The following CCSER1 variants were observed in gnomAD, a reference collection of about 807,000 sequenced individuals.
The protein encoded by CCSER1 is serine-rich coiled-coil domain-containing protein 1.
In CCSER1, 41 loss-of-function variants were observed where a neutral mutation model predicts 82.0. The observed-to-expected ratio is 0.50, with a 90% confidence interval of 0.39 to 0.65. CCSER1 has a LOEUF of 0.65. Among genes scored for constraint, CCSER1 ranks in the 30% least tolerant of loss-of-function variants. The probability of loss-of-function intolerance (pLI) is 0.00; values close to 1 mark genes in which losing one functional copy is unlikely to be tolerated. For missense variants in CCSER1, 1,119 were observed against 1,064.2 expected (o/e 1.05, Z -0.72); for synonymous variants, 414 against 383.9 (o/e 1.08, Z -0.92).
chr4:91,370,747 T>C (rs1240281674), intron 10 of CCSER1, among the ~76,000 whole-genome samples: 2 of 152,118 alleles, frequency 1.3e-5, no homozygotes, highest in African/African-American at 4.8e-5. Context: ...ATAGTGTTTA[T>C]ATTTATGCGG....
At chr4:91,268,467 T>C (rs1378763988) in intron 10 of CCSER1, among the ~76,000 whole-genome samples, 1 of 152,134 alleles carries the variant, frequency 6.6e-6, no homozygotes, top group Non-Finnish European at 1.5e-5. Flanking sequence ...AGTTAAGAGA[T>C]CTAACACCAA....
At chr4:91,033,666 C>G (rs2150560922) in intron 9 of CCSER1, among the ~76,000 whole-genome samples, 1 of 152,248 alleles carries the variant, frequency 6.6e-6, no homozygotes, top group East Asian at 1.9e-4. Context: ...TAGCAACAGG[C>G]TAAGCATCTA....
chr4:90,315,484 A>G (rs1736013152), intron 3 of CCSER1, among the ~76,000 whole-genome samples: 1 of 152,060 alleles, frequency 6.6e-6, no homozygotes, highest in Non-Finnish European at 1.5e-5. Flanking sequence ...CAGTTACTTT[A>G]CAGTTTATTC....
At chr4:91,305,771 TC>T (rs1339152413) in intron 10 of CCSER1, among the ~76,000 whole-genome samples, 1 of 151,844 alleles carries the variant, frequency 6.6e-6, no homozygotes, top group Non-Finnish European at 1.5e-5. Context: ...GACTCATAGT[TC>T]CACATGACTG....
chr4:90,403,327 G>A (rs1024272031), intron 4 of CCSER1, among the ~76,000 whole-genome samples: 6 of 151,322 alleles, frequency 4.0e-5, no homozygotes, highest in Non-Finnish European at 5.9e-5. Flanking sequence ...GTGAAACCCC[G>A]TCTCTACTAA....
intron 8 of CCSER1, chr4:90,918,180 G>C (rs1235478891): frequency 2.3e-6 from 1 of 430,212 alleles, no homozygotes; most frequent in East Asian, 7.4e-5. Flanking sequence ...TAACATACTA[G>C]TGTCTGTTAA....
chr4:90,484,175 G>A (rs989154151), intron 5 of CCSER1, among the ~76,000 whole-genome samples: 13 of 151,930 alleles, frequency 8.6e-5, no homozygotes, highest in African/African-American at 2.9e-4. Context: ...CGGTTACTGA[G>A]GCTTGTGCAT....
intron 1 of CCSER1, among the ~76,000 whole-genome samples, chr4:90,232,477 A>T (rs970970858): frequency 6.6e-6 from 1 of 152,120 alleles, no homozygotes; most frequent in African/African-American, 2.4e-5. Flanking sequence ...TCAATTCAAG[A>T]TGGATTAAAG....
intron 10 of CCSER1, among the ~76,000 whole-genome samples, chr4:91,444,577 G>A (rs1157390952): frequency 6.6e-6 from 1 of 151,984 alleles, no homozygotes; most frequent in Non-Finnish European, 1.5e-5. Context: ...GGCCTCCTGA[G>A]TAGCTGGGAT....
intron 10 of CCSER1, among the ~76,000 whole-genome samples, chr4:91,092,892 G>A (rs1020989569): frequency 6.6e-6 from 1 of 152,194 alleles, no homozygotes; most frequent in Non-Finnish European, 1.5e-5. Context: ...CACTGAGGTG[G>A]AAGCTCACTG....
chr4:90,267,720 T>C (rs1322919665), intron 1 of CCSER1, among the ~76,000 whole-genome samples: 1 of 152,136 alleles, frequency 6.6e-6, no homozygotes, highest in Non-Finnish European at 1.5e-5. Flanking sequence ...CCAGATCTTA[T>C]CCCAAACTGT....
chr4:91,348,112 GT>G (rs1184116941), intron 10 of CCSER1, among the ~76,000 whole-genome samples: 2 of 152,014 alleles, frequency 1.3e-5, no homozygotes, highest in Admixed American at 1.3e-4. Context: ...AGCTGTAAGT[GT>G]TTATAGATTT....
intron 7 of CCSER1, among the ~76,000 whole-genome samples, chr4:90,809,071 A>G (rs1757903777): frequency 6.6e-6 from 1 of 152,088 alleles, no homozygotes. Context: ...TAATCCCAAC[A>G]TTTTGGGATG....
intron 10 of CCSER1, among the ~76,000 whole-genome samples, chr4:91,201,607 A>T (rs1735904367): frequency 6.6e-6 from 1 of 152,176 alleles, no homozygotes; most frequent in African/African-American, 2.4e-5. Context: ...GCAAAAATAT[A>T]TCCAGTGTTT....
At chr4:90,829,200 A>G (rs1304077779) in intron 8 of CCSER1, among the ~76,000 whole-genome samples, 1 of 152,196 alleles carries the variant, frequency 6.6e-6, no homozygotes, top group African/African-American at 2.4e-5. Flanking sequence ...CGTTCAACAA[A>G]ACCATGAAAA....
intron 6 of CCSER1, among the ~76,000 whole-genome samples, chr4:90,644,416 A>C (rs1727115319): frequency 6.6e-6 from 1 of 152,128 alleles, no homozygotes; most frequent in Admixed American, 6.6e-5. Context: ...TAGATTTTAG[A>C]GAATTTTTGA....
At chr4:90,606,930 C>T (rs1053127256) in intron 5 of CCSER1, among the ~76,000 whole-genome samples, 1 of 152,156 alleles carries the variant, frequency 6.6e-6, no homozygotes, top group Non-Finnish European at 1.5e-5. Flanking sequence ...CTTTTAAAAA[C>T]ATAACATTAC....
intron 8 of CCSER1, among the ~76,000 whole-genome samples, chr4:90,863,949 TTTTTATTTTATTTTATTTTA>T (rs57672590): frequency 0.19 from 22,344 of 117,472 alleles, 2,170 homozygotes; most frequent in Non-Finnish European, 0.22. Flanking sequence ...ACCTATCACG[TTTTTATTTTATTTTATTTTA>T]TTTTATTTTA....
chr4:90,257,005 A>G (rs1176110501), intron 1 of CCSER1, among the ~76,000 whole-genome samples: 4 of 152,028 alleles, frequency 2.6e-5, no homozygotes, highest in African/African-American at 4.8e-5. Context: ...GACATTCCGT[A>G]CTATCTGTAG....
Sources: allele counts gnomAD v4.1 joint callset (sites outside exome capture counted in the v4.1 genomes callset), GRCh38; gene constraint gnomAD v4.1.1; transcripts MANE v1.5; gene names NCBI Gene and HGNC (gene_info 2026-07-23, HGNC 2026-07-21).